MCPH1: variants seen among roughly 807,000 people sequenced by gnomAD.
MCPH1 encodes microcephalin.
In MCPH1, 104 loss-of-function variants were observed where a neutral mutation model predicts 84.5. The observed-to-expected ratio is 1.23, with a 90% CI of 1.05 to 1.45. MCPH1 has a LOEUF of 1.45. Ranked by LOEUF, MCPH1 falls within the 40% of genes most tolerant of loss-of-function variation. The pLI, the probability that MCPH1 is intolerant of heterozygous loss-of-function variation, is 0.00. For synonymous variants in MCPH1, 514 were observed against 366.8 expected (o/e 1.40, Z -4.58); for missense variants, 1,498 against 1,005.7 (o/e 1.49, Z -6.62).
At chr8:6,622,813 G>C (rs112824535) in intron 13 of MCPH1, among the ~76,000 whole-genome samples, 3,415 of 152,128 alleles carry the variant, frequency 0.022, 145 homozygotes, top group African/African-American at 0.078. Context: ...GATTGGATTA[G>C]GGCTCACCCA....
rs184833761 is a variant in MCPH1 at position 6,583,902 on chromosome 8, T to C, written c.2215-37552T>C. Among the ~76,000 whole-genome samples the C allele has an allele frequency of 2.6e-5, 4 of 151,576 alleles. No individual in the cohort carries two copies. In the East Asian group the frequency reaches 5.9e-4, roughly 22 times the overall value. On this transcript the variant is annotated intron_variant, in intron 12 of 13. Coordinates refer to ENST00000344683, the MANE Select transcript of MCPH1 (RefSeq NM_024596.5). ...TCTTTGGCATTTTGTACCTACCTTC[T>C]GTTCTAAATTTTGCATTTTTACTAC...
At position 6,436,132 on chromosome 8, in the gene MCPH1, A is replaced by G. The variant is rs776034545; in HGVS notation, c.406A>G (p.Lys136Glu). The G allele has an allele frequency of 3.1e-6, 5 of 1,613,718 alleles. No individual in the cohort carries two copies. The highest frequency in any genetic ancestry group is 2.2e-5 in the East Asian group (1 of 44,836). The change falls in exon 5 of 14, where the codon AAA becomes GAA. Residue 136 changes from lysine (K) to glutamate (E), a missense_variant. Transcript: ENST00000344683. ...TCAGAAGAAATTTGAGAAAATGGCT[A>G]AAGAGCTACAAAGGCAAAAAACAAA... Reference protein sequence around the residue: ...RFQKKFEKMAKELQRQKTNLD... With the variant: ...RFQKKFEKMAEELQRQKTNLD...
At chr8:6,564,397 C>G (rs996889969) in intron 12 of MCPH1, among the ~76,000 whole-genome samples, 2 of 152,192 alleles carry the variant, frequency 1.3e-5, no homozygotes, top group African/African-American at 4.8e-5. Flanking sequence ...TTTAATTAAG[C>G]TCTAATGTCC....
intron 11 of MCPH1, among the ~76,000 whole-genome samples, chr8:6,488,025 T>G (rs147358467): frequency 2.0e-5 from 3 of 152,360 alleles, no homozygotes; most frequent in African/African-American, 2.4e-5. Context: ...TTATACTTTT[T>G]CCTGATTAAA....
chr8:6,541,382 A>G (rs969467340), intron 12 of MCPH1, among the ~76,000 whole-genome samples: 10 of 152,188 alleles, frequency 6.6e-5, no homozygotes, highest in African/African-American at 2.4e-5. Flanking sequence ...GCTTGTATTT[A>G]TAGCCCCCAG....
rs1242527952 is a variant in MCPH1 at position 6,631,327 on chromosome 8, T to A, written c.2452+9636T>A. 2.0e-5 allele frequency among the ~76,000 whole-genome samples: 3 copies of A among 152,008 alleles called. No homozygotes were observed. In the South Asian group the frequency reaches 6.2e-4, roughly 32 times the overall value. On this transcript the variant is annotated intron_variant, in intron 13 of 13. Coordinates refer to ENST00000344683, the MANE Select transcript of MCPH1 (RefSeq NM_024596.5). ...GGCAATTAAGGTAAAAATAGATAAA[T>A]TGCACTATATACAAATTAAAGACTT...
chr8:6,638,155 G>T (rs532345939), intron 13 of MCPH1, among the ~76,000 whole-genome samples: 1 of 152,188 alleles, frequency 6.6e-6, no homozygotes, highest in African/African-American at 2.4e-5. Flanking sequence ...TATGAGAAAC[G>T]ACTCTAGGAA....
chr8:6,452,103 T>C (rs572849202), intron 8 of MCPH1, among the ~76,000 whole-genome samples: 1 of 152,346 alleles, frequency 6.6e-6, no homozygotes, highest in South Asian at 2.1e-4. Context: ...CACTTCTTCA[T>C]CTCTCCCTTT....
chr8:6,541,281 G>T (rs764002873), intron 12 of MCPH1, among the ~76,000 whole-genome samples: 22 of 152,188 alleles, frequency 1.4e-4, no homozygotes, highest in Non-Finnish European at 3.2e-4. Context: ...CTTAGAGAAA[G>T]TCAGTGCCCA....
At chr8:6,581,619 A>G (rs1282109939) in intron 12 of MCPH1, among the ~76,000 whole-genome samples, 1 of 152,228 alleles carries the variant, frequency 6.6e-6, no homozygotes, top group East Asian at 1.9e-4. Flanking sequence ...TGAAGAAAAC[A>G]CGCAGACTGT....
At chr8:6,459,088 A>G (rs1043187786) in intron 9 of MCPH1, among the ~76,000 whole-genome samples, 1 of 152,246 alleles carries the variant, frequency 6.6e-6, no homozygotes, top group African/African-American at 2.4e-5. Flanking sequence ...AAAAGTATAC[A>G]GTGGAATTGT....
intron 12 of MCPH1, chr8:6,616,911 T>C (rs1352415118): frequency 6.6e-6 from 1 of 152,206 alleles, no homozygotes; most frequent in Non-Finnish European, 1.5e-5. Flanking sequence ...CATTTGTGCT[T>C]CACTGTAAAA....
chr8:6,465,351 G>A (rs1198074964), intron 9 of MCPH1, among the ~76,000 whole-genome samples: 2 of 152,288 alleles, frequency 1.3e-5, no homozygotes, highest in African/African-American at 2.4e-5. Flanking sequence ...CACTTCCCGC[G>A]GAGCTGTTCA....
At chr8:6,513,093 C>T (rs1815503424) in intron 12 of MCPH1, among the ~76,000 whole-genome samples, 1 of 152,146 alleles carries the variant, frequency 6.6e-6, no homozygotes, top group East Asian at 1.9e-4. Context: ...TTACAAATAC[C>T]TATGAAAGCC....
At chr8:6,470,857 A>G (rs1807628081) in intron 9 of MCPH1, among the ~76,000 whole-genome samples, 2 of 152,266 alleles carry the variant, frequency 1.3e-5, no homozygotes, top group South Asian at 4.1e-4. Flanking sequence ...AAACTGAAGG[A>G]GAAAAGTAGT....
chr8:6,591,384 C>T (rs576726349), intron 12 of MCPH1, among the ~76,000 whole-genome samples: 10 of 152,262 alleles, frequency 6.6e-5, no homozygotes, highest in East Asian at 3.9e-4. Context: ...TGTAGACAAT[C>T]GAATGTTGAG....
At chr8:6,557,020 ACC>A (rs142736176) in intron 12 of MCPH1, among the ~76,000 whole-genome samples, 1,869 of 152,104 alleles carry the variant, frequency 0.012, 34 homozygotes, top group African/African-American at 0.043. Flanking sequence ...CAAACTGGAA[ACC>A]CCACCTAGGA....
chr8:6,612,171 T>C (rs1207191584), intron 12 of MCPH1, among the ~76,000 whole-genome samples: 1 of 152,160 alleles, frequency 6.6e-6, no homozygotes, highest in Non-Finnish European at 1.5e-5. Flanking sequence ...TCCAAGGGTT[T>C]AGGGGCTCAC....
At chr8:6,485,722 T>C (rs1483268262) in intron 11 of MCPH1, among the ~76,000 whole-genome samples, 1 of 152,170 alleles carries the variant, frequency 6.6e-6, no homozygotes, top group African/African-American at 2.4e-5. Flanking sequence ...AGGTGGCCTA[T>C]GGCTTCAGGT....
Sources: allele counts gnomAD v4.1 joint callset (sites outside exome capture counted in the v4.1 genomes callset), GRCh38; gene constraint gnomAD v4.1.1; transcripts MANE v1.5; gene names NCBI Gene and HGNC (gene_info 2026-07-23, HGNC 2026-07-21).